The following HIGD1C variants were observed in gnomAD, a reference collection of about 807,000 sequenced individuals.
HIGD1C encodes the protein HIG1 hypoxia inducible domain family member 1C.
A neutral mutation model predicts 13.1 loss-of-function variants in HIGD1C; 11 were observed. That is an observed-to-expected ratio of 0.84 (90% CI 0.53 to 1.39). The LOEUF is 1.39. Among genes scored for constraint, HIGD1C ranks in the 40% most tolerant of loss-of-function variants. The pLI is 0.00. For missense variants in HIGD1C, 110 were observed against 112.0 expected (o/e 0.98, Z 0.08); for synonymous variants, 36 against 37.7 (o/e 0.95, Z 0.17).
At chr12:50,933,969 A>C in the HIGD1C span, among the ~76,000 whole-genome samples, 1 of 152,162 alleles carries the variant, frequency 6.6e-6, no homozygotes, top group Non-Finnish European at 1.5e-5. Flanking sequence ...CCCTATACTT[A>C]CAAAACCTGA....
At chr12:50,936,182 T>G in the HIGD1C span, among the ~76,000 whole-genome samples, 19 of 150,780 alleles carry the variant, frequency 1.3e-4, no homozygotes, top group African/African-American at 4.6e-4. Flanking sequence ...AAAATGTACC[T>G]CACACTGATG....
At chr12:50,938,373 T>C in the HIGD1C span, among the ~76,000 whole-genome samples, 39 of 152,278 alleles carry the variant, frequency 2.6e-4, no homozygotes, top group African/African-American at 8.9e-4. Context: ...GAGCGAGTAC[T>C]GGGAGTGGGT....
chr12:50,967,679 C>T lies in HIGD1C; in HGVS notation c.230-2763C>T, dbSNP rs186758966. On this transcript the variant is annotated intron_variant, in intron 2 of 2. Coordinates refer to ENST00000398455, the Ensembl canonical transcript of HIGD1C. The stretch of plus-strand genomic sequence containing the variant: ...GGCCATTAATGCCTTTAAATCTAAA[C>T]GGATCAGAGAACCAATTCCGGATAA... 2.0e-3 allele frequency among the ~76,000 whole-genome samples: 308 copies of T among 152,304 alleles called. 1 individual carries two copies. Among genetic ancestry groups the T allele is most frequent in the African/African-American group, 7.0e-3 (289 of 41,556 alleles).
chr12:50,958,493 G>A (rs1450288369), intron 1 of HIGD1C, among the ~76,000 whole-genome samples: 2 of 150,746 alleles, frequency 1.3e-5, no homozygotes, highest in Non-Finnish European at 3.0e-5. Context: ...GTGTTAGCCA[G>A]GATGGTCTTC....
chr12:50,969,559 G>A (rs191170375), intron 2 of HIGD1C, among the ~76,000 whole-genome samples: 33 of 152,062 alleles, frequency 2.2e-4, no homozygotes, highest in Admixed American at 1.9e-3. Context: ...AATTAGCTGG[G>A]CATGGTGGTG....
downstream of HIGD1C, among the ~76,000 whole-genome samples, chr12:50,971,245 C>T (rs535090263): frequency 6.6e-6 from 1 of 151,022 alleles, no homozygotes; most frequent in South Asian, 2.1e-4. Flanking sequence ...CCAAATAGGG[C>T]AAAGTAATTA....
the HIGD1C span, among the ~76,000 whole-genome samples, chr12:50,944,125 C>T: frequency 6.6e-6 from 1 of 152,106 alleles, no homozygotes; most frequent in Non-Finnish European, 1.5e-5. Flanking sequence ...AAATGAGCCA[C>T]TGAGACTGGA....
intron 2 of HIGD1C, among the ~76,000 whole-genome samples, chr12:50,969,555 C>T (rs1200284402): frequency 2.0e-5 from 3 of 151,912 alleles, no homozygotes; most frequent in Non-Finnish European, 4.4e-5. Flanking sequence ...CAAAAATTAG[C>T]TGGGCATGGT....
At chr12:50,967,699 G>A (rs1017848626) in intron 2 of HIGD1C, among the ~76,000 whole-genome samples, 11 of 152,216 alleles carry the variant, frequency 7.2e-5, no homozygotes, top group Admixed American at 5.9e-4. Flanking sequence ...AACCAATTCC[G>A]GATAACCCAG....
At chr12:50,950,005 A>G (rs898594989), upstream of HIGD1C, among the ~76,000 whole-genome samples, 29 of 152,208 alleles carry the variant, frequency 1.9e-4, no homozygotes, top group African/African-American at 7.0e-4. Context: ...AGTCTGCCTC[A>G]TAACCCTCAT....
chr12:50,959,324 T>G (rs999949257), intron 1 of HIGD1C, among the ~76,000 whole-genome samples: 3 of 152,164 alleles, frequency 2.0e-5, no homozygotes, highest in African/African-American at 7.2e-5. Context: ...TTCTCCATGT[T>G]GGTCAGGCTG....
At chr12:50,944,298 TCCC>T in the HIGD1C span, among the ~76,000 whole-genome samples, 44 of 152,098 alleles carry the variant, frequency 2.9e-4, no homozygotes, top group Non-Finnish European at 2.8e-4. Context: ...AGGAATTCCT[TCCC>T]CTATACTCAA....
At chr12:50,968,534 G>A (rs1236310428) in intron 2 of HIGD1C, among the ~76,000 whole-genome samples, 2 of 151,980 alleles carry the variant, frequency 1.3e-5, no homozygotes, top group African/African-American at 4.8e-5. Context: ...CTACAGGCGT[G>A]TGCCACCATG....
the HIGD1C span, chr12:50,931,958 A>T: frequency 6.6e-6 from 1 of 152,208 alleles, no homozygotes; most frequent in African/African-American, 2.4e-5. Context: ...CAAGGTTGCC[A>T]CACCTAGTTC....
upstream of HIGD1C, among the ~76,000 whole-genome samples, chr12:50,950,055 A>G (rs1199711358): frequency 1.3e-5 from 2 of 152,220 alleles, no homozygotes; most frequent in Non-Finnish European, 2.9e-5. Flanking sequence ...ACTCAGAGTT[A>G]GCCCATCACC....
At chr12:50,947,748 A>C in the HIGD1C span, among the ~76,000 whole-genome samples, 2 of 152,200 alleles carry the variant, frequency 1.3e-5, no homozygotes, top group Non-Finnish European at 2.9e-5. Flanking sequence ...CAAATATATA[A>C]AAGATAATGG....
At chr12:50,942,040 CA>C in the HIGD1C span, among the ~76,000 whole-genome samples, 4 of 152,118 alleles carry the variant, frequency 2.6e-5, no homozygotes, top group Non-Finnish European at 5.9e-5. Flanking sequence ...GCCACCATAC[CA>C]GGCTAATTTT....
intron 2 of HIGD1C, among the ~76,000 whole-genome samples, chr12:50,968,978 C>T (rs535419700): frequency 3.3e-5 from 5 of 152,218 alleles, no homozygotes; most frequent in East Asian, 3.9e-4. Context: ...CACCACGCAC[C>T]GCATTTATAT....
downstream of HIGD1C, among the ~76,000 whole-genome samples, chr12:50,970,821 CA>C (rs1472133747): frequency 3.3e-5 from 5 of 152,090 alleles, no homozygotes; most frequent in Admixed American, 2.0e-4. Context: ...TCTGCCAAAC[CA>C]ATCTGAAAAA....
Sources: gnomAD v4.1 joint callset for allele counts (sites outside exome capture counted in the v4.1 genomes callset) on GRCh38, gnomAD v4.1.1 for gene constraint, MANE v1.5 for transcripts, NCBI Gene and HGNC (gene_info 2026-07-23, HGNC 2026-07-21) for gene names.